The following CAMKMT variants were observed in gnomAD, a reference collection of about 807,000 sequenced individuals.
CAMKMT encodes the protein calmodulin-lysine N-methyltransferase.
In CAMKMT, 53 loss-of-function variants were observed where a neutral mutation model predicts 48.0. The ratio of observed to expected loss-of-function variants is 1.10; its 90% confidence interval spans 0.89 to 1.39. The LOEUF (loss-of-function observed/expected upper bound fraction) is 1.39. Ranked by LOEUF, CAMKMT falls within the 40% of genes most tolerant of loss-of-function variation. CAMKMT has a pLI of 0.00. For synonymous variants in CAMKMT, 165 were observed against 152.3 expected (o/e 1.08, Z -0.61); for missense variants, 428 against 402.7 (o/e 1.06, Z -0.54).
chr2:44,637,367 T>C (rs1373286008), intron 3 of CAMKMT, among the ~76,000 whole-genome samples: 1 of 152,346 alleles, frequency 6.6e-6, no homozygotes, highest in Admixed American at 6.5e-5. Context: ...AAGTTCTTAT[T>C]AGTCTGTCAG....
chr2:44,366,531 C>A (rs1347966729), intron 1 of CAMKMT, among the ~76,000 whole-genome samples: 1 of 152,108 alleles, frequency 6.6e-6, no homozygotes, highest in Non-Finnish European at 1.5e-5. Flanking sequence ...TAATAGTTGT[C>A]ATATAAGTCT....
At position 44,686,206 on chromosome 2, in the gene CAMKMT, A is replaced by T. The variant is rs192236559; in HGVS notation, c.377-18077A>T. Among the ~76,000 whole-genome samples the T allele has an allele frequency of 6.6e-3, 999 of 152,120 alleles. 12 individuals are homozygous for T. The highest frequency in any genetic ancestry group is 0.028 in the Admixed American group (426 of 15,270). On this transcript the variant is annotated intron_variant, in intron 3 of 10. Coordinates refer to ENST00000378494, the MANE Select transcript of CAMKMT (RefSeq NM_024766.5). ...CAGGAGATCGAGACCATCCTGGCTA[A>T]CACGATGAAACACCGTATCTACTAA...
intron 3 of CAMKMT, among the ~76,000 whole-genome samples, chr2:44,448,100 A>G (rs1667101198): frequency 1.3e-5 from 2 of 152,182 alleles, no homozygotes; most frequent in Admixed American, 1.3e-4. Flanking sequence ...TGGTGAATAT[A>G]GTTGTCCCTT....
At chr2:44,753,412 A>G (rs1375182698) in intron 8 of CAMKMT, among the ~76,000 whole-genome samples, 2 of 151,898 alleles carry the variant, frequency 1.3e-5, no homozygotes, top group African/African-American at 4.8e-5. Context: ...AAACAAAAAA[A>G]AAAAAAGAAA....
intron 3 of CAMKMT, among the ~76,000 whole-genome samples, chr2:44,421,730 A>C (rs1001343944): frequency 2.6e-5 from 4 of 152,212 alleles, no homozygotes; most frequent in African/African-American, 9.6e-5. Flanking sequence ...AACAGAGAAA[A>C]CTTAGGGTAC....
intron 3 of CAMKMT, among the ~76,000 whole-genome samples, chr2:44,586,768 C>T (rs1199814882): frequency 6.6e-6 from 1 of 152,142 alleles, no homozygotes; most frequent in East Asian, 1.9e-4. Flanking sequence ...GCTGTTGTGA[C>T]ATTTATGTAG....
chr2:44,674,817 G>C (rs1399320385), intron 3 of CAMKMT, among the ~76,000 whole-genome samples: 1 of 152,046 alleles, frequency 6.6e-6, no homozygotes, highest in Non-Finnish European at 1.5e-5. Flanking sequence ...TGATTATACA[G>C]CTTTGTTGTT....
chr2:44,491,142 C>G (rs1669480385), intron 3 of CAMKMT, among the ~76,000 whole-genome samples: 1 of 110,584 alleles, frequency 9.0e-6, no homozygotes, highest in Non-Finnish European at 1.9e-5. Context: ...TAGAGCCAGA[C>G]CTTGTCTCAA....
chr2:44,593,565 C>G (rs1353463352), intron 3 of CAMKMT, among the ~76,000 whole-genome samples: 2 of 152,168 alleles, frequency 1.3e-5, no homozygotes, highest in African/African-American at 4.8e-5. Flanking sequence ...AATTGTTGGA[C>G]TCACTCACCT....
chr2:44,688,523 A>G (rs1307739488), intron 3 of CAMKMT, among the ~76,000 whole-genome samples: 1 of 151,004 alleles, frequency 6.6e-6, no homozygotes, highest in Non-Finnish European at 1.5e-5. Context: ...TATATATTTT[A>G]GCAATCTGAA....
intron 3 of CAMKMT, among the ~76,000 whole-genome samples, chr2:44,401,506 G>A (rs1682374545): frequency 6.6e-6 from 1 of 151,832 alleles, no homozygotes; most frequent in Non-Finnish European, 1.5e-5. Context: ...GCAGTGAGCT[G>A]AGATTGTGTC....
At chr2:44,675,775 T>G (rs1054218339) in intron 3 of CAMKMT, among the ~76,000 whole-genome samples, 2 of 152,154 alleles carry the variant, frequency 1.3e-5, no homozygotes, top group Non-Finnish European at 2.9e-5. Flanking sequence ...TTTCCAGAGC[T>G]CTTTTCATTT....
chr2:44,602,816 C>T (rs1022446412), intron 3 of CAMKMT, among the ~76,000 whole-genome samples: 1 of 152,012 alleles, frequency 6.6e-6, no homozygotes, highest in African/African-American at 2.4e-5. Flanking sequence ...CCACCAGGTC[C>T]CTCCCCTGAC....
At chr2:44,615,524 G>A (rs144363358) in intron 3 of CAMKMT, among the ~76,000 whole-genome samples, 1 of 152,128 alleles carries the variant, frequency 6.6e-6, no homozygotes, top group Non-Finnish European at 1.5e-5. Flanking sequence ...ATAATTCCCA[G>A]GTTTCTGCCT....
intron 3 of CAMKMT, among the ~76,000 whole-genome samples, chr2:44,437,838 C>CAA (rs370663723): frequency 0.22 from 25,954 of 119,728 alleles, 3,404 homozygotes; most frequent in East Asian, 0.62. Context: ...GACTCTGCTA[C>CAA]AAAAAAAAAA....
chr2:44,543,410 A>G (rs1237728182), intron 3 of CAMKMT, among the ~76,000 whole-genome samples: 1 of 152,184 alleles, frequency 6.6e-6, no homozygotes, highest in Admixed American at 6.5e-5. Context: ...TTATGCTTTT[A>G]ATTTTAATAT....
intron 9 of CAMKMT, among the ~76,000 whole-genome samples, chr2:44,760,108 C>T (rs1021128967): frequency 3.7e-4 from 57 of 152,072 alleles, no homozygotes; most frequent in African/African-American, 1.3e-3. Context: ...TTTAGCAGGA[C>T]AGATGAACAC....
At chr2:44,732,092 C>T (rs2104347011) in intron 7 of CAMKMT, among the ~76,000 whole-genome samples, 1 of 152,300 alleles carries the variant, frequency 6.6e-6, no homozygotes, top group African/African-American at 2.4e-5. Flanking sequence ...GCTAGGACAA[C>T]AGGTACATAC....
chr2:44,538,595 A>G (rs936147251), intron 3 of CAMKMT, among the ~76,000 whole-genome samples: 1 of 152,110 alleles, frequency 6.6e-6, no homozygotes, highest in Non-Finnish European at 1.5e-5. Flanking sequence ...ATACAGAGTG[A>G]TATAATGGAC....
Sources: gnomAD v4.1 joint callset for allele counts (sites outside exome capture counted in the v4.1 genomes callset) on GRCh38, gnomAD v4.1.1 for gene constraint, MANE v1.5 for transcripts, NCBI Gene and HGNC (gene_info 2026-07-23, HGNC 2026-07-21) for gene names.